Variants in RBFOX1 observed in about 807,000 individuals in gnomAD.
RBFOX1 encodes the protein RNA binding protein fox-1 homolog 1.
RBFOX1 carries 8 observed loss-of-function variants against 57.7 expected under a neutral mutation model. The ratio of observed to expected loss-of-function variants is 0.14; its 90% CI spans 0.08 to 0.25. The LOEUF is 0.25. RBFOX1 is among the 10% of genes least tolerant of loss of function. The pLI is 1.00. For missense variants in RBFOX1, 611 were observed against 548.5 expected, an observed-to-expected ratio of 1.11 and a Z score of -1.14; for synonymous variants, 326 against 222.4, an observed-to-expected ratio of 1.47 and a Z score of -4.15.
At chr16:6,620,595 C>G (rs1307228505) in intron 2 of RBFOX1, among the ~76,000 whole-genome samples, 1 of 151,842 alleles carries the variant, frequency 6.6e-6, no homozygotes, top group Non-Finnish European at 1.5e-5. Context: ...AACAACAAAA[C>G]AAACGATTAG....
intron 3 of RBFOX1, among the ~76,000 whole-genome samples, chr16:5,814,953 A>C (rs1371059305): frequency 6.6e-6 from 1 of 151,994 alleles, no homozygotes; most frequent in East Asian, 1.9e-4. Flanking sequence ...AAAAAAAGAA[A>C]AAAAAAAAAT....
At chr16:6,968,953 G>C (rs991366268) in intron 3 of RBFOX1, among the ~76,000 whole-genome samples, 1 of 152,016 alleles carries the variant, frequency 6.6e-6, no homozygotes, top group African/African-American at 2.4e-5. Flanking sequence ...GACCAGATTA[G>C]TGGGTGCTCA....
intron 4 of RBFOX1, among the ~76,000 whole-genome samples, chr16:5,901,379 A>C (rs988436220): frequency 6.6e-6 from 1 of 152,190 alleles, no homozygotes; most frequent in African/African-American, 2.4e-5. Flanking sequence ...GACTTCCCAG[A>C]GCTGAGCAAT....
chr16:6,020,319 G>T (rs988358890), intron 1 of RBFOX1, among the ~76,000 whole-genome samples: 6 of 152,066 alleles, frequency 3.9e-5, no homozygotes, highest in African/African-American at 7.2e-5. Flanking sequence ...AGCAGCGGGA[G>T]CCTGCCTGCG....
intron 2 of RBFOX1, among the ~76,000 whole-genome samples, chr16:6,500,002 C>T (rs928566056): frequency 4.6e-5 from 7 of 152,094 alleles, no homozygotes; most frequent in Non-Finnish European, 1.0e-4. Context: ...TTGGGACCTC[C>T]TTTCTAGAAA....
At chr16:6,401,788 T>C (rs935305060) in intron 2 of RBFOX1, among the ~76,000 whole-genome samples, 4 of 152,218 alleles carry the variant, frequency 2.6e-5, no homozygotes, top group Admixed American at 1.3e-4. Flanking sequence ...CTATAGTTTA[T>C]TTAAAATAGA....
At chr16:7,698,921 C>G (rs2079701065) in intron 14 of RBFOX1, among the ~76,000 whole-genome samples, 1 of 152,036 alleles carries the variant, frequency 6.6e-6, no homozygotes, top group Non-Finnish European at 1.5e-5. Flanking sequence ...TCTAGATAGT[C>G]TGAATTAGCC....
intron 3 of RBFOX1, among the ~76,000 whole-genome samples, chr16:5,835,183 G>A (rs1246363860): frequency 6.6e-6 from 1 of 152,180 alleles, no homozygotes; most frequent in Non-Finnish European, 1.5e-5. Flanking sequence ...AGCCTTAAGA[G>A]GCTGGTGAGG....
intron 4 of RBFOX1, among the ~76,000 whole-genome samples, chr16:7,279,195 C>T (rs1446102706): frequency 6.6e-6 from 1 of 151,310 alleles, no homozygotes. Flanking sequence ...CCTACCCTCT[C>T]TGACTTACAC....
intron 3 of RBFOX1, among the ~76,000 whole-genome samples, chr16:5,680,918 G>GT (rs1330738713): frequency 6.6e-6 from 1 of 151,816 alleles, no homozygotes; most frequent in African/African-American, 2.4e-5. Context: ...TGTGTGCTTG[G>GT]TTGGGGGGCA....
intron 3 of RBFOX1, among the ~76,000 whole-genome samples, chr16:6,818,005 A>G (rs985590914): frequency 1.3e-5 from 2 of 152,174 alleles, no homozygotes; most frequent in South Asian, 2.1e-4. Context: ...CTAAATGAGC[A>G]TGGGTTAGTG....
chr16:5,986,606 C>T (rs530171443), intron 4 of RBFOX1, among the ~76,000 whole-genome samples: 1 of 152,232 alleles, frequency 6.6e-6, no homozygotes, highest in East Asian at 1.9e-4. Flanking sequence ...GTTGTCATTC[C>T]TAAAATGTTA....
At chr16:6,859,831 TATAGA>T (rs146053670) in intron 3 of RBFOX1, among the ~76,000 whole-genome samples, 15,014 of 152,204 alleles carry the variant, frequency 0.099, 828 homozygotes, top group African/African-American at 0.14. Context: ...CTTGTTTCTT[TATAGA>T]ATCACACTTT....
chr16:6,499,037 A>T (rs1417414864), intron 2 of RBFOX1, among the ~76,000 whole-genome samples: 1 of 152,220 alleles, frequency 6.6e-6, no homozygotes, highest in East Asian at 1.9e-4. Context: ...GTGACAGGTT[A>T]GTAATTAACT....
intron 3 of RBFOX1, among the ~76,000 whole-genome samples, chr16:7,042,573 G>A (rs1568498674): frequency 1.3e-5 from 2 of 152,214 alleles, no homozygotes; most frequent in Admixed American, 6.5e-5. Flanking sequence ...CACATTTTAT[G>A]ACATATTACA....
chr16:6,380,550 A>G (rs1342109192), intron 2 of RBFOX1, among the ~76,000 whole-genome samples: 1 of 151,688 alleles, frequency 6.6e-6, no homozygotes, highest in Non-Finnish European at 1.5e-5. Context: ...TGGGGGGAAA[A>G]TAAATGGCAG....
intron 4 of RBFOX1, among the ~76,000 whole-genome samples, chr16:7,339,856 T>A (rs2096860146): frequency 3.9e-5 from 6 of 152,222 alleles, no homozygotes; most frequent in Admixed American, 3.9e-4. Context: ...AATTCAGGAA[T>A]TTTGACAAGC....
intron 4 of RBFOX1, among the ~76,000 whole-genome samples, chr16:7,427,768 C>T (rs907582020): frequency 3.3e-5 from 5 of 152,070 alleles, no homozygotes; most frequent in African/African-American, 1.2e-4. Flanking sequence ...ATTCTTGTGC[C>T]TCAGCCTCCC....
At chr16:7,429,091 C>G (rs183380815) in intron 4 of RBFOX1, among the ~76,000 whole-genome samples, 2 of 152,272 alleles carry the variant, frequency 1.3e-5, no homozygotes, top group South Asian at 2.1e-4. Context: ...GGAGAGGACC[C>G]GACTCCAGAG....
Sources: allele counts gnomAD v4.1 joint callset (sites outside exome capture counted in the v4.1 genomes callset), GRCh38; gene constraint gnomAD v4.1.1; transcripts MANE v1.5; gene names NCBI Gene and HGNC (gene_info 2026-07-23, HGNC 2026-07-21).